MEIG1: variants seen among roughly 807,000 people sequenced by gnomAD.
MEIG1 encodes meiosis expressed gene 1 protein homolog.
A neutral mutation model predicts 11.3 loss-of-function variants in MEIG1; 12 were observed. The ratio of observed to expected loss-of-function variants is 1.07; its 90% CI spans 0.68 to 1.73. MEIG1 has a LOEUF of 1.73. Ranked by LOEUF, MEIG1 falls within the 40% of genes most tolerant of loss-of-function variation. The pLI is 0.00. For synonymous variants in MEIG1, 41 were observed against 33.2 expected, an observed-to-expected ratio of 1.24 and a Z score of -0.81; for missense variants, 119 against 104.9, an observed-to-expected ratio of 1.13 and a Z score of -0.59.
chr10:14,955,355 G>A (rs1434126847), upstream of MEIG1, among the ~76,000 whole-genome samples: 1 of 152,126 alleles, frequency 6.6e-6, no homozygotes, highest in Admixed American at 6.6e-5. Flanking sequence ...GAGACGCAAG[G>A]TAACGTGAGA....
chr10:14,956,051 T>C (rs1422034313), upstream of MEIG1, among the ~76,000 whole-genome samples: 1 of 152,182 alleles, frequency 6.6e-6, no homozygotes, highest in East Asian at 1.9e-4. Flanking sequence ...ATGTATTTGC[T>C]CACTTATTTA....
chr10:14,986,883 T>G (rs921031674), exon 2 of MEIG1: 2 of 487,436 alleles, frequency 4.1e-6, no homozygotes, highest in African/African-American at 2.0e-5. Flanking sequence ...AGTTGAGAAG[T>G]TGAGAGGGGT....
At chr10:14,982,114 G>A (rs1214617697) in intron 1 of MEIG1, among the ~76,000 whole-genome samples, 2 of 152,178 alleles carry the variant, frequency 1.3e-5, no homozygotes, top group South Asian at 2.1e-4. Context: ...TATCGGGATC[G>A]AGGGGAGTAT....
upstream of MEIG1, among the ~76,000 whole-genome samples, chr10:14,955,608 G>A (rs964670470): frequency 2.0e-5 from 3 of 152,226 alleles, no homozygotes; most frequent in Non-Finnish European, 4.4e-5. Flanking sequence ...CGAGGCAGGA[G>A]AATCACTTGA....
chr10:14,959,154 G>A (rs534547337), upstream of MEIG1, among the ~76,000 whole-genome samples: 20 of 152,212 alleles, frequency 1.3e-4, no homozygotes, highest in Non-Finnish European at 2.4e-4. Flanking sequence ...CGCTTTCACA[G>A]GGAATTTTGT....
At chr10:14,969,238 G>A (rs1411632111) in intron 2 of MEIG1, among the ~76,000 whole-genome samples, 1 of 151,952 alleles carries the variant, frequency 6.6e-6, no homozygotes, top group East Asian at 1.9e-4. Flanking sequence ...CTTGAGGCCA[G>A]GATTTTGAGA....
chr10:14,973,793 T>C (rs1415199534), downstream of MEIG1, among the ~76,000 whole-genome samples: 4 of 114,624 alleles, frequency 3.5e-5, no homozygotes, highest in Admixed American at 8.9e-5. Context: ...AAAAGAAAAC[T>C]ATAAAGATCT....
chr10:14,982,177 T>A (rs1418427904), intron 1 of MEIG1, among the ~76,000 whole-genome samples: 2 of 152,198 alleles, frequency 1.3e-5, no homozygotes, highest in African/African-American at 4.8e-5. Context: ...GACTTTCTTC[T>A]TTTTCCTGAA....
chr10:14,972,586 A>G lies in MEIG1; in HGVS notation c.212A>G (p.Lys71Arg), dbSNP rs1804611705. The part of the protein sequence containing the change: ...RRDNTFYYYN[K>R]QRECDDKEVH... The stretch of plus-strand genomic sequence containing the variant: ...GACAATACGTTCTATTACTACAACA[A>G]ACAGAGGGAATGTGATGACAAAGAA... The change falls in exon 3 of 3, where the codon AAA (lysine) becomes AGA (arginine). Residue 71 changes from lysine to arginine, a missense_variant. By Grantham distance (26) the Lys-to-Arg change is conservative. Coordinates refer to ENST00000407572, the MANE Select transcript of MEIG1 (RefSeq NM_001080836.3). 1.2e-6 allele frequency: 2 copies of G among 1,613,688 alleles called. No homozygotes were observed. Among genetic ancestry groups the G allele is most frequent in the Admixed American group, 1.7e-5 (1 of 59,964 alleles).
chr10:14,981,531 G>T, intron 1 of MEIG1, among the ~76,000 whole-genome samples: 1 of 152,094 alleles, frequency 6.6e-6, no homozygotes, highest in Non-Finnish European at 1.5e-5. Flanking sequence ...TGGATAAGGG[G>T]GCGACCGGGG....
At chr10:14,955,557 G>C (rs746751655), upstream of MEIG1, among the ~76,000 whole-genome samples, 7 of 152,000 alleles carry the variant, frequency 4.6e-5, no homozygotes, top group African/African-American at 1.7e-4. Context: ...TACAAAAATC[G>C]GCCGGGCATG....
intron 1 of MEIG1, among the ~76,000 whole-genome samples, chr10:14,961,889 C>T (rs1843018655): frequency 6.6e-6 from 1 of 151,990 alleles, no homozygotes; most frequent in Non-Finnish European, 1.5e-5. Flanking sequence ...CTCACTGTGG[C>T]CTCAACCTTG....
chr10:14,976,916 G>A (rs1393392493), downstream of MEIG1, among the ~76,000 whole-genome samples: 4 of 151,860 alleles, frequency 2.6e-5, no homozygotes, highest in Non-Finnish European at 2.9e-5. Context: ...GATATTATTC[G>A]TACTGTCCTG....
rs199614828 is a variant in MEIG1 at position 14,972,631 on chromosome 10, A to T, written c.257A>T (p.Tyr86Phe). The T allele has an allele frequency of 1.2e-6, 2 of 1,611,092 alleles. No individual in the cohort carries two copies. The highest frequency in any genetic ancestry group is 1.7e-4 in the Middle Eastern group (1 of 6,050). ...DDKEVHKVKI[Y>F]AY ...AAAGAAGTCCACAAAGTGAAAATTTATGCTTACTAGCCTGTCTTCTTTGTA... is the reference window on the plus strand; with the variant it reads ...AAAGAAGTCCACAAAGTGAAAATTTTTGCTTACTAGCCTGTCTTCTTTGTA... Residue 86 changes from tyrosine (Y) to phenylalanine (F), a missense_variant, in exon 3 of 3, where the codon TAT becomes TTT. Coordinates refer to ENST00000407572, the MANE Select transcript of MEIG1 (RefSeq NM_001080836.3).
intron 1 of MEIG1, among the ~76,000 whole-genome samples, chr10:14,961,659 T>TTTTTTTTTTTTTTC (rs1843014965): frequency 7.0e-6 from 1 of 143,872 alleles, no homozygotes; most frequent in Non-Finnish European, 1.5e-5. Context: ...TTTTTTTTTT[T>TTTTTTTTTTTTTTC]AGTAGAGACA....
chr10:14,975,921 T>C (rs1843205025), downstream of MEIG1, among the ~76,000 whole-genome samples: 1 of 152,156 alleles, frequency 6.6e-6, no homozygotes, highest in African/African-American at 2.4e-5. Context: ...GAGGATGCTA[T>C]TACTGCAAAT....
At chr10:14,976,859 T>C (rs895937602), downstream of MEIG1, among the ~76,000 whole-genome samples, 2 of 152,024 alleles carry the variant, frequency 1.3e-5, no homozygotes, top group Non-Finnish European at 2.9e-5. Context: ...ATTCCTAATA[T>C]CCTAGCAGGA....
downstream of MEIG1, among the ~76,000 whole-genome samples, chr10:14,974,052 C>T (rs1382915399): frequency 1.4e-4 from 22 of 152,156 alleles, no homozygotes; most frequent in Admixed American, 1.4e-3. Context: ...CTTCTTTTTC[C>T]CTGAATAACC....
chr10:14,969,090 T>G (rs1843120916), intron 2 of MEIG1, among the ~76,000 whole-genome samples: 1 of 151,418 alleles, frequency 6.6e-6, no homozygotes, highest in Admixed American at 6.6e-5. Context: ...AATAAATAAA[T>G]AAATAAAATA....
Sources: allele counts gnomAD v4.1 joint callset (sites outside exome capture counted in the v4.1 genomes callset), GRCh38; gene constraint gnomAD v4.1.1; transcripts MANE v1.5; gene names NCBI Gene and HGNC (gene_info 2026-07-23, HGNC 2026-07-21).